Variants in AHCYL2 observed in about 807,000 individuals in gnomAD.
AHCYL2 encodes S-adenosylhomocysteine hydrolase-like protein 2.
Under a neutral mutation model 81.4 loss-of-function variants are expected in AHCYL2, and 28 were observed. The ratio of observed to expected loss-of-function variants is 0.34; its 90% CI spans 0.25 to 0.47. The LOEUF is 0.47. AHCYL2 is among the 20% of genes least tolerant of loss of function. AHCYL2 has a pLI of 1.00. For missense variants in AHCYL2, 551 were observed against 785.1 expected (o/e 0.70, Z 3.56); for synonymous variants, 272 against 290.2 (o/e 0.94, Z 0.64).
At chr7:129,258,726 T>G (rs184608824) in intron 1 of AHCYL2, among the ~76,000 whole-genome samples, 81 of 152,286 alleles carry the variant, frequency 5.3e-4, no homozygotes, top group Non-Finnish European at 1.0e-3. Context: ...AATCCTTTTG[T>G]AGGTCATGAA....
At chr7:129,411,558 G>C (rs543404443) in intron 11 of AHCYL2, among the ~76,000 whole-genome samples, 56 of 152,082 alleles carry the variant, frequency 3.7e-4, no homozygotes, top group African/African-American at 1.3e-3. Context: ...TCAGGAGTTC[G>C]AGACCAGCCT....
At chr7:129,270,304 C>T (rs1045713872) in intron 1 of AHCYL2, among the ~76,000 whole-genome samples, 7 of 152,266 alleles carry the variant, frequency 4.6e-5, no homozygotes, top group Admixed American at 3.9e-4. Flanking sequence ...TACAGAGATA[C>T]TCAGTTCCAA....
intron 1 of AHCYL2, among the ~76,000 whole-genome samples, chr7:129,250,800 A>T (rs1795222217): frequency 3.3e-5 from 5 of 152,198 alleles, no homozygotes; most frequent in Admixed American, 3.3e-4. Context: ...AAGCTATAAG[A>T]TTAAAAATCC....
chr7:129,403,496 A>T lies in AHCYL2; in HGVS notation c.1025+11A>T. The T allele has an allele frequency of 6.4e-7, 1 of 1,553,168 alleles. No individual in the cohort carries two copies. The highest frequency in any genetic ancestry group is 1.1e-5 in the South Asian group (1 of 87,668). On this transcript the variant is annotated intron_variant, in intron 7 of 16. Coordinates refer to ENST00000325006, the MANE Select transcript of AHCYL2 (RefSeq NM_015328.4). ...TACTGGAGTTCACAGGTAAGATTTG[A>T]CATGGGCATACCTGGTTTTATGCAG...
chr7:129,409,552 A>G lies in AHCYL2; in HGVS notation c.1366+6A>G, dbSNP rs764407752. The G allele has an allele frequency of 6.2e-7, 1 of 1,605,946 alleles. No homozygotes were observed. The highest frequency in any genetic ancestry group is 1.1e-5 in the South Asian group (1 of 89,516). ...CATTGTTATTACCTGTACAGGTATGATAATGACATTTTAAATGGGGTGGCA... is the reference window on the plus strand; with the variant it reads ...CATTGTTATTACCTGTACAGGTATGGTAATGACATTTTAAATGGGGTGGCA... On this transcript the variant is annotated splice_donor_region_variant and intron_variant, in intron 11 of 16. Transcript: ENST00000325006.
chr7:129,389,805 C>T (rs1795380026), intron 4 of AHCYL2, 71 bp downstream of exon 4: 1 of 1,282,752 alleles, frequency 7.8e-7, no homozygotes, highest in Non-Finnish European at 1.1e-6. Context: ...AAGCTTACAA[C>T]ATGCCAAGCA....
At chr7:129,352,657 G>A (rs980412541) in intron 1 of AHCYL2, among the ~76,000 whole-genome samples, 3 of 152,162 alleles carry the variant, frequency 2.0e-5, no homozygotes, top group Non-Finnish European at 4.4e-5. Flanking sequence ...GAGTTCTGCT[G>A]TTAAGATAAC....
chr7:129,403,881 A>ATT (rs1796163042), intron 7 of AHCYL2, among the ~76,000 whole-genome samples: 1 of 142,156 alleles, frequency 7.0e-6, no homozygotes, highest in Admixed American at 7.5e-5. Flanking sequence ...AAAAAAAAAA[A>ATT]AAAAAAAAAA....
intron 1 of AHCYL2, among the ~76,000 whole-genome samples, chr7:129,280,397 G>A (rs1375733980): frequency 6.6e-6 from 1 of 152,020 alleles, no homozygotes; most frequent in Non-Finnish European, 1.5e-5. Context: ...TGGAACTCCT[G>A]ACCTGAAGCA....
intron 1 of AHCYL2, among the ~76,000 whole-genome samples, chr7:129,343,379 T>A (rs1200480631): frequency 6.6e-6 from 1 of 152,166 alleles, no homozygotes; most frequent in African/African-American, 2.4e-5. Flanking sequence ...AGGAATTAAA[T>A]TGTCATGCTG....
chr7:129,252,475 A>T (rs1324202354), intron 1 of AHCYL2, among the ~76,000 whole-genome samples: 1 of 152,246 alleles, frequency 6.6e-6, no homozygotes, highest in Non-Finnish European at 1.5e-5. Flanking sequence ...TTCTTTATAT[A>T]TGTAGCAGAG....
intron 1 of AHCYL2, among the ~76,000 whole-genome samples, chr7:129,254,898 G>A (rs1470696113): frequency 6.6e-6 from 1 of 152,196 alleles, no homozygotes; most frequent in Non-Finnish European, 1.5e-5. Flanking sequence ...TGGAGTGTGA[G>A]CAACTGAATT....
At chr7:129,362,642 A>G (rs1185134192) in intron 1 of AHCYL2, among the ~76,000 whole-genome samples, 1 of 127,610 alleles carries the variant, frequency 7.8e-6, no homozygotes, top group Non-Finnish European at 1.6e-5. Context: ...CAGAGAATCT[A>G]GATGGATTGG....
chr7:129,236,020 C>CTTTTT (rs947797821), intron 1 of AHCYL2, among the ~76,000 whole-genome samples: 1 of 129,596 alleles, frequency 7.7e-6, no homozygotes, highest in African/African-American at 2.8e-5. Flanking sequence ...CAAAGATAGC[C>CTTTTT]TTTTTTTTTT....
At chr7:129,324,158 C>T (rs914217118) in intron 1 of AHCYL2, among the ~76,000 whole-genome samples, 5 of 152,170 alleles carry the variant, frequency 3.3e-5, no homozygotes, top group African/African-American at 9.7e-5. Flanking sequence ...GCTGGGATTA[C>T]AGGCATGAGC....
chr7:129,319,181 C>T (rs1292736975), intron 1 of AHCYL2, among the ~76,000 whole-genome samples: 1 of 152,104 alleles, frequency 6.6e-6, no homozygotes, highest in Non-Finnish European at 1.5e-5. Context: ...ACAGGCTGGG[C>T]ACAGTGGCTC....
intron 1 of AHCYL2, chr7:129,351,647 G>C (rs938554089): frequency 2.6e-5 from 4 of 152,178 alleles, no homozygotes; most frequent in Admixed American, 6.5e-5. Flanking sequence ...GACCTTCTGA[G>C]GCACCCCTTT....
At chr7:129,411,782 A>G (rs1388359560) in intron 11 of AHCYL2, among the ~76,000 whole-genome samples, 1 of 150,968 alleles carries the variant, frequency 6.6e-6, no homozygotes, top group African/African-American at 2.4e-5. Flanking sequence ...AAAAGGAATC[A>G]TTCAATATGA....
Position 129,314,789 on chromosome 7 carries a change from C to T in AHCYL2, c.364-64849C>T, listed in dbSNP as rs540810115. 2.5e-4 allele frequency among the ~76,000 whole-genome samples: 38 copies of T among 152,224 alleles called. No individual in the cohort carries two copies. In the South Asian group the frequency reaches 5.0e-3, roughly 20 times the overall value. On this transcript the variant is annotated intron_variant, in intron 1 of 16. Coordinates refer to ENST00000325006, the MANE Select transcript of AHCYL2 (RefSeq NM_015328.4). ...TGAATAAATGAATTGAAATAGAGAA[C>T]GTAAGCTGTCTGTGACCAGATTAAG...
Sources: gnomAD v4.1 joint callset for allele counts (sites outside exome capture counted in the v4.1 genomes callset) on GRCh38, gnomAD v4.1.1 for gene constraint, MANE v1.5 for transcripts, NCBI Gene and HGNC (gene_info 2026-07-23, HGNC 2026-07-21) for gene names.